TMEM196: variants seen among roughly 807,000 people sequenced by gnomAD.
TMEM196 encodes transmembrane protein 196.
Under a neutral mutation model 20.0 loss-of-function variants are expected in TMEM196, and 17 were observed. The observed-to-expected ratio is 0.85, with a 90% CI of 0.58 to 1.27. The LOEUF (loss-of-function observed/expected upper bound fraction) is 1.27, where lower values mean the gene tolerates loss of function less well. Ranked by LOEUF, TMEM196 falls within the 50% of genes most tolerant of loss-of-function variation. The pLI, the probability that TMEM196 is intolerant of heterozygous loss-of-function variation, is 0.00. For missense variants in TMEM196, 267 were observed against 223.0 expected (o/e 1.20, Z -1.26); for synonymous variants, 113 against 88.9 (o/e 1.27, Z -1.52).
At chr7:19,761,761 C>G (rs1785445081) in intron 1 of TMEM196, among the ~76,000 whole-genome samples, 1 of 152,164 alleles carries the variant, frequency 6.6e-6, no homozygotes, top group African/African-American at 2.4e-5. Flanking sequence ...GAAGAAATCA[C>G]CAGACATAGC....
At chr7:19,752,919 T>A (rs543198610) in intron 1 of TMEM196, among the ~76,000 whole-genome samples, 21 of 152,228 alleles carry the variant, frequency 1.4e-4, no homozygotes, top group South Asian at 2.1e-4. Flanking sequence ...GCCTTTTTGT[T>A]CAATTTTTAA....
intron 1 of TMEM196, among the ~76,000 whole-genome samples, chr7:19,733,433 T>G (rs996778044): frequency 6.6e-6 from 1 of 152,144 alleles, no homozygotes; most frequent in African/African-American, 2.4e-5. Flanking sequence ...CCAAGAAAGG[T>G]CTGACACTAT....
chr7:19,741,498 A>T (rs1056371222), intron 1 of TMEM196, among the ~76,000 whole-genome samples: 1 of 152,202 alleles, frequency 6.6e-6, no homozygotes, highest in African/African-American at 2.4e-5. Flanking sequence ...TAATTTAAAC[A>T]TTTGAAAACA....
chr7:19,746,015 T>C (rs533038423), intron 1 of TMEM196, among the ~76,000 whole-genome samples: 2 of 152,202 alleles, frequency 1.3e-5, no homozygotes, highest in African/African-American at 4.8e-5. Context: ...AAGAACTACA[T>C]TTTGTGCTGC....
intron 1 of TMEM196, among the ~76,000 whole-genome samples, chr7:19,740,015 A>G (rs1784533515): frequency 6.6e-6 from 1 of 152,156 alleles, no homozygotes; most frequent in Non-Finnish European, 1.5e-5. Flanking sequence ...CACAAGTGAG[A>G]AGTTATCCAA....
At chr7:19,732,934 TA>T (rs35284583) in intron 1 of TMEM196, among the ~76,000 whole-genome samples, 1 of 152,106 alleles carries the variant, frequency 6.6e-6, no homozygotes, top group African/African-American at 2.4e-5. Flanking sequence ...ACAAATTAGC[TA>T]AAAAAGTAAA....
intron 1 of TMEM196, among the ~76,000 whole-genome samples, chr7:19,756,709 C>G (rs1785233876): frequency 6.6e-6 from 1 of 151,990 alleles, no homozygotes. Flanking sequence ...ATTTGGTTTT[C>G]TGTTCCTGTG....
Position 19,772,829 on chromosome 7 carries a change from T to A in TMEM196, c.-133A>T. The A allele has an allele frequency of 2.3e-6, 2 of 881,922 alleles. No homozygotes were observed. Among genetic ancestry groups the A allele is most frequent in the South Asian group, 3.9e-5 (1 of 25,690 alleles). 54.6% of individuals were successfully genotyped at this position (881,922 alleles called of 1,614,324 possible). On this transcript the variant is annotated 5_prime_UTR_variant, in exon 1 of 5. Transcript: ENST00000405844. ...TTTTCTTTCTTCAAGAGCGAGGCATTATCCACAAGGGCTGGATTTCCAGAA... is the reference window on the plus strand; with the variant it reads ...TTTTCTTTCTTCAAGAGCGAGGCATAATCCACAAGGGCTGGATTTCCAGAA...
In TMEM196 at chr7:19,746,662, A is replaced by G. The variant is rs549509866; in HGVS notation, c.148-17224T>C. 3.8e-4 allele frequency among the ~76,000 whole-genome samples: 58 copies of G among 152,246 alleles called. 1 individual carries two copies. The highest frequency in any genetic ancestry group is 1.4e-3 in the African/African-American group (58 of 41,554). On this transcript the variant is annotated intron_variant, in intron 1 of 4. Transcript: ENST00000405844. ...CTATAACCAAAGAGACAACCACACT[A>G]TTTTTACTTTTCTTTTGATTAAAGA...
rs1330413234 is a variant in TMEM196 at position 19,772,547 on chromosome 7, T to C, written c.147+3A>G. On this transcript the variant is annotated splice_donor_region_variant and intron_variant, in intron 1 of 4. Transcript: ENST00000405844. The stretch of plus-strand genomic sequence containing the variant: ...CTCAACGTACACACACCCCGCTCCA[T>C]ACCGGGGACGAGTCTCCGAGCTGCG... 2.6e-6 allele frequency: 4 copies of C among 1,540,988 alleles called. No individual in the cohort carries two copies. The highest frequency in any genetic ancestry group is 2.8e-5 in the African/African-American group (2 of 72,320).
intron 1 of TMEM196, among the ~76,000 whole-genome samples, chr7:19,744,693 G>A (rs1784692862): frequency 6.6e-6 from 1 of 152,258 alleles, no homozygotes; most frequent in African/African-American, 2.4e-5. Flanking sequence ...TTACTTTGCT[G>A]TTAAATCAAG....
chr7:19,742,989 G>C (rs1784629536), intron 1 of TMEM196, among the ~76,000 whole-genome samples: 1 of 152,150 alleles, frequency 6.6e-6, no homozygotes, highest in Non-Finnish European at 1.5e-5. Flanking sequence ...TCAGGAGTCA[G>C]TGTCTTGTTC....
chr7:19,756,567 G>C (rs1218779918), intron 1 of TMEM196, among the ~76,000 whole-genome samples: 1 of 151,916 alleles, frequency 6.6e-6, no homozygotes, highest in African/African-American at 2.4e-5. Context: ...TCCCGTCTAT[G>C]AGTCCATATG....
intron 1 of TMEM196, among the ~76,000 whole-genome samples, chr7:19,738,147 G>A (rs1188580851): frequency 6.6e-6 from 1 of 151,970 alleles, no homozygotes; most frequent in African/African-American, 2.4e-5. Context: ...TAACAAAGTT[G>A]TTTCCTACAG....
At position 19,743,764 on chromosome 7, in the gene TMEM196, A is replaced by C. The variant is rs149055705; in HGVS notation, c.148-14326T>G. On this transcript the variant is annotated intron_variant, in intron 1 of 4. Transcript: ENST00000405844. ...TTTTAAAGGAAAGCAAACATGAATT[A>C]CATCTTTCCAGTACCTGGTTCAATT... Among the ~76,000 whole-genome samples the C allele has an allele frequency of 1.1e-3, 161 of 152,286 alleles. 1 individual carries two copies. The highest frequency in any genetic ancestry group is 3.8e-3 in the African/African-American group (157 of 41,590).
chr7:19,742,579 A>G (rs1033219147), intron 1 of TMEM196, among the ~76,000 whole-genome samples: 15 of 152,150 alleles, frequency 9.9e-5, no homozygotes, highest in Admixed American at 6.5e-5. Flanking sequence ...GCATCTATCC[A>G]GTGTCAACAC....
chr7:19,734,290 C>T (rs1784318185), intron 1 of TMEM196, among the ~76,000 whole-genome samples: 1 of 152,108 alleles, frequency 6.6e-6, no homozygotes, highest in Non-Finnish European at 1.5e-5. Context: ...CAATGTATAT[C>T]CAGCCAAACT....
In TMEM196 at chr7:19,748,263, C is replaced by CAAAAAAAAA. The variant is rs57276805; in HGVS notation, c.148-18834_148-18826dup. 1.2e-3 allele frequency among the ~76,000 whole-genome samples: 24 copies of CAAAAAAAAA among 20,780 alleles called. 3 individuals are homozygous for CAAAAAAAAA. Among genetic ancestry groups the CAAAAAAAAA allele is most frequent in the African/African-American group, 3.8e-3 (22 of 5,844 alleles). 13.6% of individuals were successfully genotyped at this position (20,780 alleles called of 152,430 possible). ...TTCAGAGATGTTCACTGTGGCTGTC[C>CAAAAAAAAA]AAAAAAAAAAAAAAAAAAAAAAAAA... On this transcript the variant is annotated intron_variant, in intron 1 of 4. Transcript: ENST00000405844.
chr7:19,733,278 T>C (rs1339356658), intron 1 of TMEM196, among the ~76,000 whole-genome samples: 2 of 152,062 alleles, frequency 1.3e-5, no homozygotes, highest in Non-Finnish European at 2.9e-5. Flanking sequence ...TCCTTGGAGG[T>C]TTCTGCTTTT....
Sources: allele counts gnomAD v4.1 joint callset (sites outside exome capture counted in the v4.1 genomes callset), GRCh38; gene constraint gnomAD v4.1.1; transcripts MANE v1.5; gene names NCBI Gene and HGNC (gene_info 2026-07-23, HGNC 2026-07-21).